The following CHRM3 variants were observed in gnomAD, a reference collection of about 807,000 sequenced individuals.
The protein encoded by CHRM3 is cholinergic receptor muscarinic 3, also known as muscarinic acetylcholine receptor M3.
In CHRM3, 11 loss-of-function variants were observed where a neutral mutation model predicts 41.8. That is an observed-to-expected ratio of 0.26 (90% CI 0.17 to 0.44). The LOEUF is 0.44. Among genes scored for constraint, CHRM3 ranks in the 20% least tolerant of loss-of-function variants. CHRM3 has a pLI of 1.00. For missense variants in CHRM3, 571 were observed against 745.4 expected, an observed-to-expected ratio of 0.77 and a Z score of 2.72; for synonymous variants, 297 against 301.4, an observed-to-expected ratio of 0.99 and a Z score of 0.15.
At chr1:239,551,589 A>T (rs1659838153) in intron 3 of CHRM3, among the ~76,000 whole-genome samples, 1 of 152,014 alleles carries the variant, frequency 6.6e-6, no homozygotes, top group Non-Finnish European at 1.5e-5. Context: ...GAGGACTTAA[A>T]CTTGTTTGAT....
At chr1:239,559,296 GTTTA>G (rs1660654151) in intron 3 of CHRM3, among the ~76,000 whole-genome samples, 1 of 152,138 alleles carries the variant, frequency 6.6e-6, no homozygotes, top group South Asian at 2.1e-4. Flanking sequence ...GGGTTCATCA[GTTTA>G]TTTGTCCAAT....
At chr1:239,563,128 C>G (rs1379329796) in intron 3 of CHRM3, among the ~76,000 whole-genome samples, 1 of 151,994 alleles carries the variant, frequency 6.6e-6, no homozygotes, top group Non-Finnish European at 1.5e-5. Flanking sequence ...ATGTTTACAG[C>G]TTCAGAGGTT....
intron 1 of CHRM3, among the ~76,000 whole-genome samples, chr1:239,404,342 AAG>A (rs1221862870): frequency 3.0e-5 from 4 of 132,496 alleles, no homozygotes; most frequent in Admixed American, 1.6e-4. Flanking sequence ...GGAAGAAAGA[AAG>A]AGAAAGAGAA....
chr1:239,562,454 C>T (rs140777153), intron 3 of CHRM3, among the ~76,000 whole-genome samples: 2 of 152,252 alleles, frequency 1.3e-5, no homozygotes, highest in African/African-American at 2.4e-5. Flanking sequence ...ACTGTTAACA[C>T]TTCACCATAA....
At chr1:239,390,178 C>G (rs1432051830) in intron 1 of CHRM3, among the ~76,000 whole-genome samples, 3 of 152,126 alleles carry the variant, frequency 2.0e-5, no homozygotes, top group African/African-American at 7.2e-5. Flanking sequence ...GTAATCAAAT[C>G]CCTCTACCAC....
At position 239,851,191 on chromosome 1, in the gene CHRM3, A is replaced by G. The variant is rs1267573544; in HGVS notation, c.-20+23813A>G. Among the ~76,000 whole-genome samples, 3 of 152,358 alleles carry G rather than the reference A, an allele frequency of 2.0e-5. No individual in the cohort carries two copies. The South Asian group carries it at 6.2e-4, about 32-fold the overall frequency. ...CTTCATTTTGAAGTCAGGGTAATGT[A>G]GCAGATTTAATCATTGGTCTCAGAA... On this transcript the variant is annotated intron_variant, in intron 6 of 6. Coordinates refer to ENST00000676153, the MANE Select transcript of CHRM3 (RefSeq NM_001375978.1).
intron 6 of CHRM3, among the ~76,000 whole-genome samples, chr1:239,836,276 G>A (rs1238102020): frequency 1.6e-4 from 24 of 152,300 alleles, no homozygotes; most frequent in Admixed American, 1.6e-3. Context: ...ATCGAGAAAG[G>A]GTGTAGCTTG....
At chr1:239,708,042 G>A (rs1661360077) in intron 5 of CHRM3, among the ~76,000 whole-genome samples, 1 of 152,186 alleles carries the variant, frequency 6.6e-6, no homozygotes, top group South Asian at 2.1e-4. Flanking sequence ...TCATAGGCAG[G>A]AAATGGCAGT....
intron 3 of CHRM3, among the ~76,000 whole-genome samples, chr1:239,628,511 T>A (rs1558393650): frequency 1.6e-5 from 1 of 63,392 alleles, no homozygotes; most frequent in Non-Finnish European, 2.7e-5. Context: ...CTCGTCAAAA[T>A]CATTCTCCAT....
chr1:239,393,262 A>T (rs141706784), intron 1 of CHRM3, among the ~76,000 whole-genome samples: 1,820 of 152,314 alleles, frequency 0.012, 22 homozygotes, highest in Non-Finnish European at 0.02. Context: ...TGATGACTAT[A>T]TTTAAATGTA....
intron 3 of CHRM3, among the ~76,000 whole-genome samples, chr1:239,552,267 T>C (rs1659908448): frequency 1.0e-5 from 1 of 95,884 alleles, no homozygotes; most frequent in Non-Finnish European, 2.5e-5. Context: ...ATATGTATCA[T>C]ATATATGTAT....
rs938277104 is a variant in CHRM3, at chr1:239,405,886, AT to A, written c.-521+18669del. On this transcript the variant is annotated intron_variant, in intron 1 of 6. Transcript: ENST00000676153. ...GCTCTATTTATAGAGGGCAAGACGG[AT>A]TTTTTTTTTCTTTTGAGACGGAGTA... 3.2e-3 allele frequency among the ~76,000 whole-genome samples: 485 copies of A among 149,696 alleles called. 4 individuals are homozygous for A. The highest frequency in any genetic ancestry group is 0.011 in the African/African-American group (449 of 40,878).
chr1:239,802,559 G>A (rs1226452900), intron 5 of CHRM3, among the ~76,000 whole-genome samples: 1 of 152,150 alleles, frequency 6.6e-6, no homozygotes. Context: ...GGGGGTCATA[G>A]GACCCACTTT....
intron 3 of CHRM3, among the ~76,000 whole-genome samples, chr1:239,565,310 A>G (rs1253868989): frequency 1.3e-5 from 2 of 152,194 alleles, no homozygotes; most frequent in Non-Finnish European, 2.9e-5. Flanking sequence ...GCTGCAACAT[A>G]TAGTATCCGA....
intron 1 of CHRM3, among the ~76,000 whole-genome samples, chr1:239,401,018 A>G (rs1488342623): frequency 6.6e-6 from 1 of 152,150 alleles, no homozygotes; most frequent in Non-Finnish European, 1.5e-5. Flanking sequence ...TTCTCATCAG[A>G]AGCAGGAACC....
intron 1 of CHRM3, among the ~76,000 whole-genome samples, chr1:239,426,930 G>T (rs1662435485): frequency 6.6e-6 from 1 of 152,130 alleles, no homozygotes; most frequent in African/African-American, 2.4e-5. Context: ...AGAATGTGCA[G>T]GTGGGTGGAT....
intron 2 of CHRM3, among the ~76,000 whole-genome samples, chr1:239,516,260 G>A (rs945597465): frequency 6.6e-6 from 1 of 151,878 alleles, no homozygotes; most frequent in African/African-American, 2.4e-5. Context: ...TTAAATAAAG[G>A]AAAAGAGCTG....
intron 1 of CHRM3, among the ~76,000 whole-genome samples, chr1:239,406,103 G>C (rs1001378892): frequency 2.0e-5 from 3 of 152,104 alleles, no homozygotes; most frequent in African/African-American, 7.2e-5. Context: ...TGTTGGCCAG[G>C]CTGATCTCGA....
chr1:239,550,880 A>G (rs1048433475), intron 3 of CHRM3, among the ~76,000 whole-genome samples: 12 of 152,266 alleles, frequency 7.9e-5, no homozygotes, highest in African/African-American at 2.9e-4. Flanking sequence ...CTGCATTGCT[A>G]TGAGTTAGTA....
Sources: allele counts gnomAD v4.1 joint callset (sites outside exome capture counted in the v4.1 genomes callset), GRCh38; gene constraint gnomAD v4.1.1; transcripts MANE v1.5; gene names NCBI Gene and HGNC (gene_info 2026-07-23, HGNC 2026-07-21).